CAST: variants seen among roughly 807,000 people sequenced by gnomAD.
CAST encodes MIR583 host.
CAST carries 76 observed loss-of-function variants against 119.6 expected under a neutral mutation model. That is an observed-to-expected ratio of 0.64 (90% confidence interval 0.53 to 0.77). The LOEUF is 0.77. Among genes scored for constraint, CAST ranks in the 30% least tolerant of loss-of-function variants. The pLI, the probability that CAST is intolerant of heterozygous loss-of-function variation, is 0.00. For missense variants in CAST, 953 were observed against 946.5 expected, an observed-to-expected ratio of 1.01 and a Z score of -0.09; for synonymous variants, 319 against 331.6, an observed-to-expected ratio of 0.96 and a Z score of 0.41.
the CAST span, among the ~76,000 whole-genome samples, chr5:96,107,103 G>C: frequency 6.8e-6 from 1 of 147,470 alleles, no homozygotes; most frequent in Non-Finnish European, 1.5e-5. Context: ...CTTTTATTTT[G>C]AGCCTATGTG....
the CAST span, among the ~76,000 whole-genome samples, chr5:96,258,417 T>A: frequency 5.3e-5 from 8 of 152,242 alleles, no homozygotes; most frequent in Non-Finnish European, 1.2e-4. Flanking sequence ...ATCATAGTCA[T>A]TGATCACATT....
At chr5:96,408,262 G>A in the CAST span, 3 of 1,614,020 alleles carry the variant, frequency 1.9e-6, no homozygotes, top group African/African-American at 1.3e-5. Flanking sequence ...AGCAGCCAGA[G>A]GTGCAGAGGC....
At position 96,684,549 on chromosome 5, in the gene CAST, A is replaced by G. The variant is rs527351608; in HGVS notation, c.138+8948A>G. Reference sequence around the variant, plus strand: ...CATACGCCAATAGCTAGAACTAAAGACCTCTGCATCACTATCTTTTTTTTT... The same window carrying G: ...CATACGCCAATAGCTAGAACTAAAGGCCTCTGCATCACTATCTTTTTTTTT... On this transcript the variant is annotated intron_variant, in intron 2 of 31. Coordinates refer to ENST00000675179, the MANE Select transcript of CAST (RefSeq NM_001750.7). Among the ~76,000 whole-genome samples the G allele has an allele frequency of 1.1e-3, 167 of 150,964 alleles. 2 individuals carry two copies. In the South Asian group the frequency reaches 0.033, roughly 30 times the overall value.
chr5:96,088,080 A>T, the CAST span, among the ~76,000 whole-genome samples: 1 of 152,238 alleles, frequency 6.6e-6, no homozygotes. Context: ...TTGCTGGAAG[A>T]CACCTAAGGG....
intron 30 of CAST, 53 bp downstream of exon 30, chr5:96,770,655 G>C: frequency 8.3e-7 from 1 of 1,200,978 alleles, no homozygotes; most frequent in South Asian, 1.2e-5. Context: ...ACACAGAGTA[G>C]GGTTTATCAT....
At chr5:96,299,628 C>T in the CAST span, among the ~76,000 whole-genome samples, 1 of 152,192 alleles carries the variant, frequency 6.6e-6, no homozygotes, top group Non-Finnish European at 1.5e-5. Context: ...CTACTAGAAG[C>T]TCTGGGTAAA....
the CAST span, among the ~76,000 whole-genome samples, chr5:96,354,627 T>C: frequency 6.6e-6 from 1 of 151,140 alleles, no homozygotes; most frequent in African/African-American, 2.4e-5. Context: ...TTTATATATG[T>C]ATCTGTATGT....
At chr5:96,183,160 A>AT in the CAST span, among the ~76,000 whole-genome samples, 24 of 143,274 alleles carry the variant, frequency 1.7e-4, no homozygotes, top group Non-Finnish European at 2.7e-4. Context: ...AAAATAAATA[A>AT]AATAATAATA....
chr5:96,080,266 T>C, the CAST span, among the ~76,000 whole-genome samples: 1 of 152,214 alleles, frequency 6.6e-6, no homozygotes, highest in Non-Finnish European at 1.5e-5. Flanking sequence ...TATAATACAT[T>C]CTACATAAAT....
Position 96,534,941 on chromosome 5 carries a change from G to A in CAST, c.60+5061G>A, listed in dbSNP as rs201807289. Among the ~76,000 whole-genome samples the A allele has an allele frequency of 6.1e-4, 90 of 147,602 alleles. 3 individuals are homozygous for A. The highest frequency in any genetic ancestry group is 7.5e-4 in the African/African-American group (30 of 40,112). On this transcript the variant is annotated intron_variant, in intron 1 of 11. Transcript: ENST00000505143. ...GAAAAGGAATAAAGAAAGAAAGAAA[G>A]AGAAAGGGAAAGAAAGAAAGAAAAA... is the stretch of plus-strand genomic sequence containing the variant.
chr5:96,360,623 C>T, the CAST span, among the ~76,000 whole-genome samples: 1 of 152,202 alleles, frequency 6.6e-6, no homozygotes, highest in Non-Finnish European at 1.5e-5. Context: ...GCTGGATGTC[C>T]ATTCCAGATC....
At chr5:96,412,752 G>GTTTTGTTTTTTTTTTT in the CAST span, among the ~76,000 whole-genome samples, 1 of 71,832 alleles carries the variant, frequency 1.4e-5, no homozygotes, top group African/African-American at 9.0e-5. Flanking sequence ...CAGCTGTGAT[G>GTTTTGTTTTTTTTTTT]TTTTTTTTTT....
chr5:96,366,286 A>C, the CAST span, among the ~76,000 whole-genome samples: 1 of 152,070 alleles, frequency 6.6e-6, no homozygotes, highest in Non-Finnish European at 1.5e-5. Flanking sequence ...CAACTTTGGC[A>C]AATCTGACGA....
intron 1 of CAST, among the ~76,000 whole-genome samples, chr5:96,622,759 A>G (rs1054403701): frequency 6.6e-6 from 1 of 151,700 alleles, no homozygotes; most frequent in Non-Finnish European, 1.5e-5. Flanking sequence ...GAGTTTAATA[A>G]TTCATATATT....
chr5:96,663,156 G>A, intron 1 of CAST: 1 of 702,660 alleles, frequency 1.4e-6, no homozygotes, highest in Non-Finnish European at 2.6e-6. Flanking sequence ...GCCAGCTGGT[G>A]GTACAAGACG....
chr5:96,076,635 GTC>G, the CAST span, among the ~76,000 whole-genome samples: 5 of 152,212 alleles, frequency 3.3e-5, no homozygotes, highest in Non-Finnish European at 7.3e-5. Flanking sequence ...TAGGAAGTCA[GTC>G]TCTGTAGTTG....
At chr5:96,534,744 A>G (rs1745759286) in intron 1 of CAST, among the ~76,000 whole-genome samples, 1 of 22,050 alleles carries the variant, frequency 4.5e-5, no homozygotes, top group Middle Eastern at 0.02. Context: ...AGAGAGAGAA[A>G]GAAAGAAAGA....
chr5:96,288,379 G>C, the CAST span, among the ~76,000 whole-genome samples: 2 of 152,094 alleles, frequency 1.3e-5, no homozygotes, highest in African/African-American at 4.8e-5. Context: ...ATACCGAAAA[G>C]AAGTCATCTG....
At chr5:95,967,010 T>G in the CAST span, among the ~76,000 whole-genome samples, 2 of 152,110 alleles carry the variant, frequency 1.3e-5, no homozygotes, top group African/African-American at 4.8e-5. Context: ...TAGTGCAGAG[T>G]GCCCTGAAAG....
Sources: allele counts gnomAD v4.1 joint callset (sites outside exome capture counted in the v4.1 genomes callset), GRCh38; gene constraint gnomAD v4.1.1; transcripts MANE v1.5; gene names NCBI Gene and HGNC (gene_info 2026-07-23, HGNC 2026-07-21).